The following KRT23 variants were observed in gnomAD, a reference collection of about 807,000 sequenced individuals.
KRT23 encodes keratin 23, also known as keratin, type I cytoskeletal 23.
In KRT23, 38 loss-of-function variants were observed where a neutral mutation model predicts 47.6. That is an observed-to-expected ratio of 0.80 (90% CI 0.62 to 1.05). The LOEUF (loss-of-function observed/expected upper bound fraction) is 1.05. Ranked by LOEUF, KRT23 falls within the 50% of genes least tolerant of loss-of-function variation. The pLI is 0.00. For missense variants in KRT23, 503 were observed against 529.5 expected (o/e 0.95, Z 0.49); for synonymous variants, 191 against 199.0 (o/e 0.96, Z 0.34).
intron 8 of KRT23, among the ~76,000 whole-genome samples, chr17:40,923,615 T>G (rs1909057657): frequency 6.6e-6 from 1 of 152,206 alleles, no homozygotes. Flanking sequence ...CATTAATAAA[T>G]TTACAAGGGA....
intron 7 of KRT23, among the ~76,000 whole-genome samples, chr17:40,924,714 AGTCAG>A (rs1909119699): frequency 6.6e-6 from 1 of 152,170 alleles, no homozygotes; most frequent in African/African-American, 2.4e-5. Flanking sequence ...CTAACCCTGG[AGTCAG>A]GGGAAGTCCA....
Position 40,925,470 on chromosome 17 carries a change from C to T in KRT23, c.1026G>A (p.Gln342=), listed in dbSNP as rs757987452. Residue 342 remains glutamine, a synonymous_variant, in exon 7 of 9, where the codon CAG becomes CAA. Coordinates refer to ENST00000209718, the MANE Select transcript of KRT23 (RefSeq NM_015515.5). ...IISHYEEELT[Q]LRHELERQNN... The stretch of plus-strand genomic sequence containing the variant: ...TCTGCCGCTCCAGTTCATGGCGTAG[C>T]TGCGTCAGTTCCTCCTCATAGTGGG... 1.2e-6 allele frequency: 2 copies of T among 1,614,188 alleles called. No individual in the cohort carries two copies. Among genetic ancestry groups the T allele is most frequent in the South Asian group, 2.2e-5 (2 of 91,088 alleles).
At position 40,934,985 on chromosome 17, in the gene KRT23, T is replaced by C. The variant is rs370559252; in HGVS notation, c.396+1223A>G. Among the ~76,000 whole-genome samples, 35 of 152,294 alleles carry C rather than the reference T, an allele frequency of 2.3e-4. 1 individual carries two copies. The South Asian group carries it at 7.3e-3, about 32-fold the overall frequency. ...TAAATTATTTGACTGGTTCTAACCT[T>C]GTATTTCTTTTGGGAGTCATGGTCT... On this transcript the variant is annotated intron_variant, in intron 2 of 8. Transcript: ENST00000209718.
Position 40,936,923 on chromosome 17 carries a change from T to G in KRT23, c.-320A>C. 1 of 317,008 alleles carries G rather than the reference T, an allele frequency of 3.2e-6. No homozygotes were observed. The highest frequency in any genetic ancestry group is 5.0e-5 in the East Asian group (1 of 19,976). The allele number at this position is 317,008 out of a possible 1,614,324, so 19.6% of individuals were successfully genotyped here. A position where few individuals can be genotyped will look rare whatever the true frequency, so the allele number is the denominator to read the frequency against. On this transcript the variant is annotated 5_prime_UTR_variant, in exon 2 of 9. Coordinates refer to ENST00000209718, the MANE Select transcript of KRT23 (RefSeq NM_015515.5). The stretch of plus-strand genomic sequence containing the variant: ...ATTGGGCTCAGGTATCTTTCTAATC[T>G]TGCCGTGAAGTTTTTCCATTGTTCA...
chr17:40,927,105 C>T (rs927662925), intron 6 of KRT23, among the ~76,000 whole-genome samples: 2 of 152,194 alleles, frequency 1.3e-5, no homozygotes, highest in Non-Finnish European at 1.5e-5. Context: ...CCTTTCCTGA[C>T]CACCTTGTTT....
Position 40,928,327 on chromosome 17 carries a change from C to T in KRT23, c.832G>A (p.Ala278Thr). The part of the protein sequence containing the change: ...AAMSQEAASP[A>T]TVQSRQGDIH... ...TCACCTTGTCTGCTCTGCACAGTGG[C>T]TGGACTGGCTGCCTCCTGGGACATG... The change falls in exon 6 of 9, where the codon GCC becomes ACC. Residue 278 changes from alanine to threonine, a missense_variant. Ala to Thr is a moderately conservative substitution (Grantham distance 58). Transcript: ENST00000209718. 6.2e-7 allele frequency: 1 copy of T among 1,614,198 alleles called. No individual in the cohort carries two copies. Among genetic ancestry groups the T allele is most frequent in the Non-Finnish European group, 8.5e-7 (1 of 1,180,044 alleles).
intron 8 of KRT23, 48 bp from the exon 9 acceptor site, chr17:40,923,131 T>C (rs1909030477): frequency 1.5e-6 from 2 of 1,378,246 alleles, no homozygotes; most frequent in Middle Eastern, 1.8e-4. Context: ...TCTTCCACCA[T>C]CTGAACTGTA....
rs1295496492 is a variant in KRT23 at position 40,929,924 on chromosome 17, T to C, written c.636+16A>G. The C allele has an allele frequency of 6.2e-7, 1 of 1,612,350 alleles. No individual in the cohort carries two copies. The highest frequency in any genetic ancestry group is 1.3e-5 in the African/African-American group (1 of 74,886). ...AAGAGCTGTGCTTATTAGCAGGTGT[T>C]CCTGGGGAGTTGTACCTGCTCATGG... On this transcript the variant is annotated intron_variant, in intron 4 of 8. Transcript: ENST00000209718.
chr17:40,925,605 A>G (rs1909181770), intron 6 of KRT23, 31 bp from the exon 7 acceptor site: 3 of 1,504,034 alleles, frequency 2.0e-6, no homozygotes, highest in Non-Finnish European at 2.8e-6. Context: ...CTGTTAATTA[A>G]CTGATGGCTT....
At chr17:40,925,314 G>C in intron 7 of KRT23, 40 bp downstream of exon 7, 1 of 1,544,304 alleles carries the variant, frequency 6.5e-7, no homozygotes, top group Non-Finnish European at 8.9e-7. Context: ...AGGAGCTGGA[G>C]GTCCCTCGCA....
chr17:40,927,012 C>G lies in KRT23; in HGVS notation c.921+1226G>C, dbSNP rs533138463. On this transcript the variant is annotated intron_variant, in intron 6 of 8. Coordinates refer to ENST00000209718, the MANE Select transcript of KRT23 (RefSeq NM_015515.5). ...TTGTGCCTTGTCGCTTTTGCACTTG[C>G]TGTTCCCTCCTCTTGGAACACATCC... 6.6e-5 allele frequency among the ~76,000 whole-genome samples: 10 copies of G among 152,244 alleles called. No homozygotes were observed. In the South Asian group the frequency reaches 1.2e-3, roughly 19 times the overall value.
chr17:40,931,510 A>G (rs2143495074), intron 2 of KRT23, 55 bp from the exon 3 acceptor site: 1 of 1,257,278 alleles, frequency 8.0e-7, no homozygotes, highest in Admixed American at 1.7e-5. Context: ...ACACCCACAC[A>G]TGACCGCTGC....
intron 3 of KRT23, among the ~76,000 whole-genome samples, chr17:40,930,772 CAAATAAATAAATAAATAAAT>C (rs144851372): frequency 6.7e-6 from 1 of 148,908 alleles, no homozygotes. Context: ...CAAAAATAAA[CAAATAAATAAATAAATAAAT>C]AAATAAATAA....
Position 40,923,072 on chromosome 17 carries a change from GAGTT to G in KRT23, c.1182_1185del (p.Thr395GlnfsTer6), listed in dbSNP as rs773242551. ...TCCTGGGTTATGGCCTTGATCTTTG[GAGTT>G]GCAGACACTGAGAAAAAGAGCATGG... On this transcript the variant is annotated frameshift_variant, in exon 9 of 9. Transcript: ENST00000209718. 2.9e-5 allele frequency: 47 copies of G among 1,612,548 alleles called. No homozygotes were observed. The highest frequency in any genetic ancestry group is 3.9e-5 in the Non-Finnish European group (46 of 1,178,748).
chr17:40,925,495 G>A lies in KRT23; in HGVS notation c.1001C>T (p.Ser334Phe), dbSNP rs1175495481. ...CKLQDMQEII[S>F]HYEEELTQLR... ...CTGCGTCAGTTCCTCCTCATAGTGG[G>A]AGATGATCTCTTGCATGTCCTGGAG... The change falls in exon 7 of 9, where the codon TCC becomes TTC. Residue 334 changes from serine (S) to phenylalanine (F), a missense_variant. Transcript: ENST00000209718. The A allele has an allele frequency of 5.0e-6, 8 of 1,614,044 alleles. No individual in the cohort carries two copies. The highest frequency in any genetic ancestry group is 6.8e-6 in the Non-Finnish European group (8 of 1,180,018).
At chr17:40,927,624 C>CA (rs3837830) in intron 6 of KRT23, among the ~76,000 whole-genome samples, 70,784 of 152,068 alleles carry the variant, frequency 0.47, 17,058 homozygotes, top group East Asian at 0.71. Flanking sequence ...ATGCTTATGA[C>CA]CATGCTAAGC....
chr17:40,936,697 G>A lies in KRT23; in HGVS notation c.-94C>T. Reference sequence around the variant, plus strand: ...CCAGACTGCCCTGGATGGTTTTATGGCCTTTGCTGTGGGAGTTCCCTTCTC... The same window carrying A: ...CCAGACTGCCCTGGATGGTTTTATGACCTTTGCTGTGGGAGTTCCCTTCTC... On this transcript the variant is annotated 5_prime_UTR_variant, in exon 2 of 9. Transcript: ENST00000209718. 1 of 1,210,430 alleles carries A rather than the reference G, an allele frequency of 8.3e-7. No individual in the cohort carries two copies. Among genetic ancestry groups the A allele is most frequent in the Admixed American group, 3.0e-5 (1 of 33,828 alleles). 75.0% of individuals were successfully genotyped at this position (1,210,430 alleles called of 1,614,324 possible). A position where few individuals can be genotyped will look rare whatever the true frequency, so the allele number is the denominator to read the frequency against.
In KRT23 at chr17:40,928,257, A is replaced by C. The variant is rs1278511672; in HGVS notation, c.902T>G (p.Leu301Arg). 12 of 1,614,040 alleles carry C rather than the reference A, an allele frequency of 7.4e-6. No individual in the cohort carries two copies. The highest frequency in any genetic ancestry group is 3.3e-5 in the South Asian group (3 of 91,084). The change falls in exon 6 of 9, where the codon CTG becomes CGG. Residue 301 changes from leucine to arginine, a missense_variant. Physicochemically the swap from Leu to Arg is moderately radical, Grantham distance 102. Coordinates refer to ENST00000209718, the MANE Select transcript of KRT23 (RefSeq NM_015515.5). ...ACTCACCGTGCTGTACTGTGTCTGC[A>C]GGTCAATCTCCAGGGCCTGGAATGT... The part of the protein sequence containing the change: ...KRTFQALEID[L>R]QTQYSTKSAL...
intron 8 of KRT23, among the ~76,000 whole-genome samples, chr17:40,924,114 C>G (rs940453584): frequency 6.6e-6 from 1 of 152,180 alleles, no homozygotes; most frequent in African/African-American, 2.4e-5. Flanking sequence ...TCGTAATACA[C>G]TATTCAAATC....
Sources: gnomAD v4.1 joint callset for allele counts (sites outside exome capture counted in the v4.1 genomes callset) on GRCh38, gnomAD v4.1.1 for gene constraint, MANE v1.5 for transcripts, NCBI Gene and HGNC (gene_info 2026-07-23, HGNC 2026-07-21) for gene names.